The following TANC2 variants were observed in gnomAD, a reference collection of about 807,000 sequenced individuals.
TANC2 encodes the protein protein TANC2.
TANC2 carries 26 observed loss-of-function variants against 210.5 expected under a neutral mutation model. That is an observed-to-expected ratio of 0.12 (90% CI 0.09 to 0.17). The LOEUF is 0.17. Ranked by LOEUF, TANC2 falls within the 10% of genes least tolerant of loss-of-function variation. The pLI is 1.00. For synonymous variants in TANC2, 931 were observed against 967.1 expected (o/e 0.96, Z 0.69); for missense variants, 2,129 against 2,608.9 (o/e 0.82, Z 4.01).
chr17:63,143,006 A>C (rs985700972), intron 4 of TANC2, among the ~76,000 whole-genome samples: 40 of 152,192 alleles, frequency 2.6e-4, no homozygotes, highest in African/African-American at 9.6e-4. Flanking sequence ...TAGGCTGGAC[A>C]CTGTCTTAAT....
chr17:63,048,393 A>G (rs943331343), intron 2 of TANC2, among the ~76,000 whole-genome samples: 4 of 152,216 alleles, frequency 2.6e-5, no homozygotes, highest in African/African-American at 9.6e-5. Context: ...GTTTCCCTCC[A>G]TCTAGCTCTA....
chr17:63,342,897 G>C (rs980421861), intron 12 of TANC2, among the ~76,000 whole-genome samples: 2 of 152,150 alleles, frequency 1.3e-5, no homozygotes, highest in Non-Finnish European at 2.9e-5. Context: ...ACCAGCTTTA[G>C]TGATCTCTAT....
chr17:63,321,240 C>A (rs1014671943), intron 11 of TANC2, among the ~76,000 whole-genome samples: 125 of 152,138 alleles, frequency 8.2e-4, no homozygotes, highest in African/African-American at 2.9e-3. Context: ...ATGATACTCT[C>A]ATTTTCTTAA....
intron 11 of TANC2, among the ~76,000 whole-genome samples, chr17:63,335,010 C>T (rs2045978474): frequency 6.6e-6 from 1 of 152,142 alleles, no homozygotes; most frequent in Non-Finnish European, 1.5e-5. Flanking sequence ...TGAGAACTCA[C>T]TCACTGTGGT....
chr17:63,262,568 C>T (rs548847650), intron 8 of TANC2, among the ~76,000 whole-genome samples: 4 of 151,928 alleles, frequency 2.6e-5, no homozygotes, highest in Admixed American at 6.6e-5. Context: ...AGTCAGGGTT[C>T]TTTCCCTGGT....
chr17:63,005,733 A>G (rs1233358728), intron 1 of TANC2, among the ~76,000 whole-genome samples: 1 of 152,030 alleles, frequency 6.6e-6, no homozygotes, highest in Admixed American at 6.6e-5. Flanking sequence ...TTTTCTTATA[A>G]TATCTGTAAG....
At chr17:63,127,530 G>T (rs940722863) in intron 4 of TANC2, among the ~76,000 whole-genome samples, 1 of 152,090 alleles carries the variant, frequency 6.6e-6, no homozygotes, top group Non-Finnish European at 1.5e-5. Context: ...CACAAAAATT[G>T]TATAGATTAG....
intron 7 of TANC2, among the ~76,000 whole-genome samples, chr17:63,210,897 T>A (rs1386421101): frequency 2.6e-5 from 4 of 152,178 alleles, no homozygotes; most frequent in East Asian, 3.8e-4. Flanking sequence ...TTAATCTTTT[T>A]AAAATTTTTT....
chr17:62,987,842 C>T (rs1213974691), intron 1 of TANC2, among the ~76,000 whole-genome samples: 2 of 152,110 alleles, frequency 1.3e-5, no homozygotes, highest in African/African-American at 4.8e-5. Flanking sequence ...GTGCAGGGGA[C>T]GAGCATTAGG....
chr17:63,357,791 G>T (rs1375181067), intron 14 of TANC2, among the ~76,000 whole-genome samples: 2 of 152,246 alleles, frequency 1.3e-5, no homozygotes, highest in African/African-American at 2.4e-5. Flanking sequence ...TTTCAGGCAG[G>T]TCTGATTAGC....
chr17:63,067,181 T>C (rs565046339), intron 2 of TANC2, among the ~76,000 whole-genome samples: 1 of 152,298 alleles, frequency 6.6e-6, no homozygotes, highest in South Asian at 2.1e-4. Context: ...CAAAATTATA[T>C]ACAAAGATTG....
At chr17:63,378,408 C>A (rs961956212) in intron 14 of TANC2, among the ~76,000 whole-genome samples, 4 of 150,462 alleles carry the variant, frequency 2.7e-5, no homozygotes, top group Non-Finnish European at 4.4e-5. Context: ...AAAAAAAAAA[C>A]AAAATTCCAA....
intron 12 of TANC2, among the ~76,000 whole-genome samples, chr17:63,348,050 G>A (rs2046473246): frequency 6.6e-6 from 1 of 152,158 alleles, no homozygotes; most frequent in Non-Finnish European, 1.5e-5. Flanking sequence ...TTACAGATGT[G>A]AGCCACCAGG....
chr17:63,417,645 A>G (rs1426521280), intron 26 of TANC2, among the ~76,000 whole-genome samples: 1 of 152,192 alleles, frequency 6.6e-6, no homozygotes, highest in African/African-American at 2.4e-5. Flanking sequence ...ATGAGCACCT[A>G]CTATGTGCCG....
chr17:63,228,971 TAGG>T (rs1212768289), intron 7 of TANC2, among the ~76,000 whole-genome samples: 1 of 152,184 alleles, frequency 6.6e-6, no homozygotes, highest in Non-Finnish European at 1.5e-5. Flanking sequence ...CTATGTTGAA[TAGG>T]AGTAGTGAGA....
At chr17:63,361,028 G>T (rs923987765) in intron 14 of TANC2, among the ~76,000 whole-genome samples, 8 of 152,128 alleles carry the variant, frequency 5.3e-5, no homozygotes, top group Non-Finnish European at 1.2e-4. Context: ...ACCACATTTT[G>T]TTTATCCATT....
At chr17:63,268,629 A>G (rs571948891) in intron 9 of TANC2, among the ~76,000 whole-genome samples, 36 of 152,176 alleles carry the variant, frequency 2.4e-4, no homozygotes, top group Non-Finnish European at 4.9e-4. Flanking sequence ...TTTAGTGGCC[A>G]TTTCTAGTAA....
At chr17:63,258,631 G>A (rs903041673) in intron 8 of TANC2, among the ~76,000 whole-genome samples, 2 of 152,088 alleles carry the variant, frequency 1.3e-5, no homozygotes, top group African/African-American at 2.4e-5. Context: ...CAGGCCCATG[G>A]CAAGTACTGC....
At chr17:63,376,814 CTTTTTTTT>C (rs771564600) in intron 14 of TANC2, among the ~76,000 whole-genome samples, 2 of 125,974 alleles carry the variant, frequency 1.6e-5, no homozygotes, top group Admixed American at 1.6e-4. Context: ...CCACTGTACT[CTTTTTTTT>C]TTTTTTTTTT....
Sources: gnomAD v4.1 joint callset for allele counts (sites outside exome capture counted in the v4.1 genomes callset) on GRCh38, gnomAD v4.1.1 for gene constraint, MANE v1.5 for transcripts, NCBI Gene and HGNC (gene_info 2026-07-23, HGNC 2026-07-21) for gene names.